The following TAF6 variants were observed in gnomAD, a reference collection of about 807,000 sequenced individuals.
TAF6 encodes the protein transcription initiation factor TFIID subunit 6.
In TAF6, 50 loss-of-function variants were observed where a neutral mutation model predicts 73.5. The observed-to-expected ratio is 0.68, with a 90% CI of 0.54 to 0.86. TAF6 has a LOEUF of 0.86. Among genes scored for constraint, TAF6 ranks in the 40% least tolerant of loss-of-function variants. The pLI, the probability that TAF6 is intolerant of heterozygous loss-of-function variation, is 0.00. For missense variants in TAF6, 768 were observed against 899.5 expected (o/e 0.85, Z 1.87); for synonymous variants, 424 against 376.7 (o/e 1.13, Z -1.45).
upstream of TAF6, among the ~76,000 whole-genome samples, chr7:100,120,918 T>A (rs977024795): frequency 6.6e-6 from 1 of 151,850 alleles, no homozygotes; most frequent in Non-Finnish European, 1.5e-5. Context: ...ATAGGTCTTA[T>A]TGCTGTCTAT....
At chr7:100,109,859 A>G (rs1161039343) in intron 12 of TAF6, 89 bp downstream of exon 12, 10 of 1,552,732 alleles carry the variant, frequency 6.4e-6, no homozygotes, top group Middle Eastern at 2.2e-4. Context: ...TGAGGCAAAG[A>G]TGGGAGTAAG....
At chr7:100,119,800 C>T, upstream of TAF6, 2 of 1,614,120 alleles carry the variant, frequency 1.2e-6, no homozygotes, top group Non-Finnish European at 1.7e-6. Context: ...GTGCACGAGG[C>T]TTGGGCTGGG....
upstream of TAF6, among the ~76,000 whole-genome samples, chr7:100,123,950 G>A (rs1798149578): frequency 6.6e-6 from 1 of 152,098 alleles, no homozygotes; most frequent in Admixed American, 6.6e-5. Context: ...CCATCATAGT[G>A]AAACCCTGTC....
intron 14 of TAF6, 56 bp downstream of exon 14, chr7:100,107,870 G>A: frequency 1.9e-6 from 3 of 1,551,030 alleles, no homozygotes; most frequent in Non-Finnish European, 2.6e-6. Flanking sequence ...CCTCCCCAGG[G>A]TGCTCTGAGG....
chr7:100,119,435 C>T, upstream of TAF6: 1 of 1,251,906 alleles, frequency 8.0e-7, no homozygotes, highest in Non-Finnish European at 1.0e-6. Context: ...GTCCTCTAGG[C>T]TCGCAGAATG....
intron 5 of TAF6, 81 bp downstream of exon 5, chr7:100,113,268 G>A (rs1797363265): frequency 7.5e-7 from 1 of 1,334,528 alleles, no homozygotes; most frequent in Non-Finnish European, 1.0e-6. Flanking sequence ...AGGCAACAGA[G>A]TGAGACTCTG....
At position 100,119,237 on chromosome 7, in the gene TAF6, A is replaced by G. The variant is rs777227819; in HGVS notation, c.-93T>C. ...TTCCAGTCCCCACAAGGGACCTTCA[A>G]AGGGTCTCCTCCGGGGTACCACTCA... On this transcript the variant is annotated 5_prime_UTR_variant, in exon 1 of 15. Coordinates refer to ENST00000453269, the MANE Select transcript of TAF6 (RefSeq NM_139315.3). The G allele has an allele frequency of 1.6e-4, 159 of 1,002,774 alleles. No homozygotes were observed. The highest frequency in any genetic ancestry group is 1.9e-4 in the Non-Finnish European group (156 of 840,072). 62.1% of individuals were successfully genotyped at this position (1,002,774 alleles called of 1,614,324 possible). A position where few individuals can be genotyped will look rare whatever the true frequency, so the allele number is the denominator to read the frequency against.
At chr7:100,124,983 G>C in the TAF6 span, 1 of 1,405,374 alleles carries the variant, frequency 7.1e-7, no homozygotes, top group Non-Finnish European at 9.6e-7. Context: ...GTGTGTTTAT[G>C]AGTGACTCCA....
At chr7:100,122,761 A>G, upstream of TAF6, 1 of 1,605,976 alleles carries the variant, frequency 6.2e-7, no homozygotes, top group Non-Finnish European at 8.5e-7. Flanking sequence ...AGCTGGGCTG[A>G]TGCCAAATTC....
At position 100,111,183 on chromosome 7, in the gene TAF6, T is replaced by C; in HGVS notation, c.1039A>G (p.Thr347Ala). 1 of 1,614,112 alleles carries C rather than the reference T, an allele frequency of 6.2e-7. No individual in the cohort carries two copies. Among genetic ancestry groups the C allele is most frequent in the East Asian group, 2.2e-5 (1 of 44,882 alleles). ...VAQICKHFSTTTNNIQSRITK... is the reference protein window; with the variant it reads ...VAQICKHFSTATNNIQSRITK... ...ATCCGGGACTGGATGTTGTTAGTGG[T>C]TGTGCTAAAATGCTTGCAGATCTGG... Residue 347 changes from threonine (T) to alanine (A), a missense_variant, in exon 10 of 15, where the codon ACC becomes GCC. By Grantham distance (58) the Thr-to-Ala change is moderately conservative. Around this residue, in one of 5 missense-constraint regions of TAF6, gnomAD observed 69 missense variants for 105.4 expected, o/e 0.65. Transcript: ENST00000453269.
At chr7:100,114,556 C>T (rs1797518871) in intron 1 of TAF6, 1 of 590,810 alleles carries the variant, frequency 1.7e-6, no homozygotes, top group African/African-American at 1.9e-5. Context: ...CCCATCTCTA[C>T]TAAAAATACA....
chr7:100,119,064 G>T (rs560264859), intron 1 of TAF6, 140 bp downstream of exon 1: 6 of 986,032 alleles, frequency 6.1e-6, no homozygotes, highest in Non-Finnish European at 7.2e-6. Context: ...GTTAACTTAA[G>T]CGAGATCCCA....
Position 100,108,561 on chromosome 7 carries a change from C to T in TAF6, c.1285-21G>A, listed in dbSNP as rs757612084. On this transcript the variant is annotated intron_variant, in intron 12 of 14. Transcript: ENST00000453269. ...TGTTTCTGCAGAACAGAAAAAAAGC[C>T]AGGTAGAGGGAGGGCTGGGGAAAAA... The T allele has an allele frequency of 1.9e-6, 3 of 1,579,408 alleles. No homozygotes were observed. The East Asian group carries it at 6.8e-5, about 36-fold the overall frequency.
chr7:100,120,674 A>G (rs1477214731), upstream of TAF6, among the ~76,000 whole-genome samples: 1 of 152,136 alleles, frequency 6.6e-6, no homozygotes, highest in East Asian at 1.9e-4. Context: ...ATCTTTTTAA[A>G]CAGACTTAAT....
intron 10 of TAF6, among the ~76,000 whole-genome samples, 168 bp downstream of exon 10, chr7:100,110,971 C>T (rs1001289113): frequency 3.1e-5 from 4 of 127,274 alleles, no homozygotes; most frequent in African/African-American, 9.1e-5. Context: ...AAGAGCGAGA[C>T]TCCATCTCAA....
chr7:100,117,308 G>C (rs1271075855), intron 1 of TAF6, among the ~76,000 whole-genome samples: 5 of 113,022 alleles, frequency 4.4e-5, no homozygotes, highest in Admixed American at 1.1e-4. Flanking sequence ...TTTCACTCTT[G>C]TTGTCCAGGC....
In TAF6 at chr7:100,112,801, T is replaced by G. The variant is rs1274655366; in HGVS notation, c.571A>C (p.Lys191Gln). ...KGQGATTADGKGKEKKAPPLL... is the reference protein window; with the variant it reads ...KGQGATTADGQGKEKKAPPLL... ...GGCCTAGCCTAGGAGGACTGACCTTTGCCGTCGGCTGTGGTGGCCCCTTGA... is the reference window on the plus strand; with the variant it reads ...GGCCTAGCCTAGGAGGACTGACCTTGGCCGTCGGCTGTGGTGGCCCCTTGA... Residue 191 changes from lysine (K) to glutamine (Q), a missense_variant, in exon 6 of 15, where the codon AAA becomes CAA. Physicochemically the swap from Lys to Gln is moderately conservative, Grantham distance 53. Around this residue, in one of 5 missense-constraint regions of TAF6, gnomAD observed 269 missense variants for 268.0 expected, o/e 1.00. Transcript: ENST00000453269. 1.2e-6 allele frequency: 2 copies of G among 1,612,216 alleles called. No homozygotes were observed. Among genetic ancestry groups the G allele is most frequent in the East Asian group, 4.5e-5 (2 of 44,818 alleles).
intron 10 of TAF6, 72 bp from the exon 11 acceptor site, chr7:100,110,346 T>A: frequency 6.6e-7 from 1 of 1,511,918 alleles, no homozygotes; most frequent in Middle Eastern, 1.7e-4. Context: ...AAGTCTTTCA[T>A]AGACACTTTC....
rs769189046 is a variant in TAF6 at position 100,113,785 on chromosome 7, G to C, written c.244-16C>G. 1.2e-6 allele frequency: 2 copies of C among 1,613,876 alleles called. No individual in the cohort carries two copies. Among genetic ancestry groups the C allele is most frequent in the Non-Finnish European group, 1.7e-6 (2 of 1,179,872 alleles). ...CATAGAGTGGCTGTGGCAGGAGAGA[G>C]GGGCATGGGTAAGAAGGGAGCCGGA... On this transcript the variant is annotated splice_polypyrimidine_tract_variant and intron_variant, in intron 3 of 14. Coordinates refer to ENST00000453269, the MANE Select transcript of TAF6 (RefSeq NM_139315.3).
Sources: gnomAD v4.1 joint callset for allele counts (sites outside exome capture counted in the v4.1 genomes callset) on GRCh38, gnomAD v4.1.1 for gene constraint, gnomAD v4.1.1 regional missense constraint, MANE v1.5 for transcripts, NCBI Gene and HGNC (gene_info 2026-07-23, HGNC 2026-07-21) for gene names.